Variants in TRIM47 observed in about 807,000 individuals in gnomAD.
TRIM47 encodes E3 ubiquitin-protein ligase TRIM47.
Under a neutral mutation model 54.4 loss-of-function variants are expected in TRIM47, and 46 were observed. The ratio of observed to expected loss-of-function variants is 0.84; its 90% CI spans 0.67 to 1.08. TRIM47 has a LOEUF of 1.08. TRIM47 is among the 50% of genes least tolerant of loss of function. TRIM47 has a pLI of 0.00. For missense variants in TRIM47, 825 were observed against 910.1 expected (o/e 0.91, Z 1.20); for synonymous variants, 392 against 410.2 (o/e 0.96, Z 0.54).
rs2065148433 is a variant in TRIM47, at chr17:75,878,293, C to T, written c.256G>A (p.Gly86Arg). 4 of 1,270,756 alleles carry T rather than the reference C, an allele frequency of 3.1e-6. No homozygotes were observed. The highest frequency in any genetic ancestry group is 2.6e-5 in the South Asian group (1 of 38,990). 78.7% of individuals were successfully genotyped at this position (1,270,756 alleles called of 1,614,324 possible). ...LLQLRQGSGPGSGPGPAPALA... is the reference protein window; with the variant it reads ...LLQLRQGSGPRSGPGPAPALA... ...GCAGGGGCCGGGCCGGGGCCGGACC[C>T]GGGGCCCGAGCCCTGGCGGAGCTGC... Residue 86 changes from glycine to arginine, a missense_variant, in exon 1 of 6, where the codon GGG (glycine) becomes AGG (arginine). Transcript: ENST00000254816.
chr17:75,876,087 G>A lies in TRIM47; in HGVS notation c.1015C>T (p.Leu339=). The change falls in exon 4 of 6, where the codon CTA becomes TTA. Residue 339 remains leucine (L), a synonymous_variant. Transcript: ENST00000254816. ...SVSFLQELLA[L]RLALEDGCGP... ...CACCCATCCTCCAGGGCCAGCCTTA[G>A]TGCCAGCAGCTCCTGTGCCAGACAA... 6.2e-7 allele frequency: 1 copy of A among 1,600,924 alleles called. No homozygotes were observed. Among genetic ancestry groups the A allele is most frequent in the South Asian group, 1.1e-5 (1 of 91,084 alleles).
rs748149487 is a variant in TRIM47, at chr17:75,874,298, A to G, written c.*185T>C. ...CTCCCAGAAGTGAGGTCTGCAGGGG[A>G]ACAGGGTCTGGGGGTCCTCCTGCCT... On this transcript the variant is annotated 3_prime_UTR_variant, in exon 6 of 6. Transcript: ENST00000254816. The surrounding 1 kb of genome is among the most constrained non-coding windows in gnomAD (Gnocchi z 6.2). 6.6e-5 allele frequency: 32 copies of G among 484,868 alleles called. No homozygotes were observed. Among genetic ancestry groups the G allele is most frequent in the Non-Finnish European group, 1.1e-4 (31 of 287,602 alleles). 30.0% of individuals were successfully genotyped at this position (484,868 alleles called of 1,614,324 possible).
chr17:75,875,234 C>T lies in TRIM47; in HGVS notation c.1277-111G>A. The T allele has an allele frequency of 7.2e-7, 1 of 1,395,084 alleles. No individual in the cohort carries two copies. Among genetic ancestry groups the T allele is most frequent in the Non-Finnish European group, 9.6e-7 (1 of 1,038,240 alleles). The allele number at this position is 1,395,084 out of a possible 1,614,324, so 86.4% of individuals were successfully genotyped here. A position where few individuals can be genotyped will look rare whatever the true frequency, so the allele number is the denominator to read the frequency against. The stretch of plus-strand genomic sequence containing the variant: ...ACACAGCCTCTCCCCTGCTTTCCAA[C>T]CGGCACAACCCAGCCCCGCCGGGGA... On this transcript the variant is annotated intron_variant, in intron 5 of 5. Coordinates refer to ENST00000254816, the MANE Select transcript of TRIM47 (RefSeq NM_033452.3). The surrounding 1 kb of genome is among the most constrained non-coding windows in gnomAD (Gnocchi z 6.1).
chr17:75,876,737 C>A lies in TRIM47; in HGVS notation c.752G>T (p.Arg251Leu). Residue 251 changes from arginine to leucine, a missense_variant, in exon 2 of 6, where the codon CGC becomes CTC. By Grantham distance (102) the Arg-to-Leu change is moderately radical. Transcript: ENST00000254816. ...TTTGACCTTGATGAGGGCCACTGTG[C>A]GCCTGGACTGTGCAATGCCAGCACC... ...ELGAGIAQSR[R>L]TVALIKSAAV... The A allele has an allele frequency of 6.2e-7, 1 of 1,614,166 alleles. No individual in the cohort carries two copies. Among genetic ancestry groups the A allele is most frequent in the Non-Finnish European group, 8.5e-7 (1 of 1,180,030 alleles).
In TRIM47 at chr17:75,877,060, G is replaced by T. The variant is rs1013305726; in HGVS notation, c.676-247C>A. 1.2e-4 allele frequency: 66 copies of T among 556,916 alleles called. 1 individual carries two copies. The highest frequency in any genetic ancestry group is 2.9e-5 in the Non-Finnish European group (9 of 308,414). 34.5% of individuals were successfully genotyped at this position (556,916 alleles called of 1,614,324 possible). A position where few individuals can be genotyped will look rare whatever the true frequency, so the allele number is the denominator to read the frequency against. On this transcript the variant is annotated intron_variant, in intron 1 of 5. Transcript: ENST00000254816. ...GTCTGCCTCGGGTCTCTGACAGGAG[G>T]CCTAGTACAGGGCCGTCCGCTGGTC...
intron 3 of TRIM47, 45 bp from the exon 4 acceptor site, chr17:75,876,144 C>A (rs1204347992): frequency 6.3e-7 from 1 of 1,587,756 alleles, no homozygotes; most frequent in Non-Finnish European, 8.5e-7. Flanking sequence ...GCCATGGCTC[C>A]TCCTTGCTGG....
intron 2 of TRIM47, 24 bp downstream of exon 2, chr17:75,876,694 C>G (rs1388305810): frequency 1.2e-5 from 20 of 1,613,134 alleles, no homozygotes; most frequent in Non-Finnish European, 1.7e-5. Context: ...TGGATTGTTC[C>G]ATGCTGAGGG....
In TRIM47 at chr17:75,874,391, A is replaced by T. The variant is rs2065118670; in HGVS notation, c.*92T>A. The T allele has an allele frequency of 8.2e-7, 1 of 1,220,390 alleles. No individual in the cohort carries two copies. The highest frequency in any genetic ancestry group is 1.5e-5 in the African/African-American group (1 of 65,898). 75.6% of individuals were successfully genotyped at this position (1,220,390 alleles called of 1,614,324 possible). A position where few individuals can be genotyped will look rare whatever the true frequency, so the allele number is the denominator to read the frequency against. Reference sequence around the variant, plus strand: ...GAAATGAGAAGGCTGGGTGTGTGGGACTCATGCTGGTGCCTTCCCAGACGA... The same window carrying T: ...GAAATGAGAAGGCTGGGTGTGTGGGTCTCATGCTGGTGCCTTCCCAGACGA... On this transcript the variant is annotated 3_prime_UTR_variant, in exon 6 of 6. Coordinates refer to ENST00000254816, the MANE Select transcript of TRIM47 (RefSeq NM_033452.3). This position sits in a 1 kb window ranked among gnomAD's most constrained non-coding sequence, Gnocchi z 6.2.
At position 75,874,783 on chromosome 17, in the gene TRIM47, G is replaced by A. The variant is rs1449242139; in HGVS notation, c.1617C>T (p.Pro539=). The A allele has an allele frequency of 1.2e-6, 2 of 1,614,000 alleles. No individual in the cohort carries two copies. The highest frequency in any genetic ancestry group is 1.7e-5 in the Admixed American group (1 of 60,018). ...FSVWFHGLEA[P]LPHPFSPTVG... is the part of the protein sequence containing the mutation. Reference sequence around the variant, plus strand: ...CCGTGGGCGAGAAGGGGTGGGGCAGGGGAGCCTCCAGCCCATGAAACCAGA... The same window carrying A: ...CCGTGGGCGAGAAGGGGTGGGGCAGAGGAGCCTCCAGCCCATGAAACCAGA... Residue 539 remains proline, a synonymous_variant, in exon 6 of 6, where the codon CCC becomes CCT. Coordinates refer to ENST00000254816, the MANE Select transcript of TRIM47 (RefSeq NM_033452.3). This position sits in a 1 kb window ranked among gnomAD's most constrained non-coding sequence, Gnocchi z 6.2.
rs757544163 is a variant in TRIM47 at position 75,877,978 on chromosome 17, G to T, written c.571C>A (p.Arg191Ser). ...CACACGCGCTCCGCGCGGCAGTAGCGCTCGAGCGGCCGTAGGTGGCGCGGG... is the reference window on the plus strand; with the variant it reads ...CACACGCGCTCCGCGCGGCAGTAGCTCTCGAGCGGCCGTAGGTGGCGCGGG... Reference protein sequence around the residue: ...LCPRHLRPLERYCRAERVCLC... With the variant: ...LCPRHLRPLESYCRAERVCLC... Residue 191 changes from arginine (R) to serine (S), a missense_variant, in exon 1 of 6, where the codon CGC (arginine) becomes AGC (serine). Physicochemically the swap from Arg to Ser is moderately radical, Grantham distance 110 (BLOSUM62 -1). Coordinates refer to ENST00000254816, the MANE Select transcript of TRIM47 (RefSeq NM_033452.3). 1.3e-5 allele frequency: 19 copies of T among 1,464,056 alleles called. No individual in the cohort carries two copies. The South Asian group carries it at 2.2e-4, about 17-fold the overall frequency. The allele number at this position is 1,464,056 out of a possible 1,614,324, so 90.7% of individuals were successfully genotyped here.
chr17:75,874,765 C>T lies in TRIM47; in HGVS notation c.1635G>A (p.Ser545=), dbSNP rs375603627. 24 of 1,613,832 alleles carry T rather than the reference C, an allele frequency of 1.5e-5. No homozygotes were observed. The highest frequency in any genetic ancestry group is 1.3e-4 in the East Asian group (6 of 44,876). ...GLEAPLPHPF[S]PTVGVCLEYA... is the part of the protein sequence containing the mutation. Reference sequence around the variant, plus strand: ...ATTCCAGGCAGACCCCAACCGTGGGCGAGAAGGGGTGGGGCAGGGGAGCCT... The same window carrying T: ...ATTCCAGGCAGACCCCAACCGTGGGTGAGAAGGGGTGGGGCAGGGGAGCCT... The change falls in exon 6 of 6, where the codon TCG becomes TCA. Residue 545 remains serine, a synonymous_variant. Transcript: ENST00000254816. This position sits in a 1 kb window ranked among gnomAD's most constrained non-coding sequence, Gnocchi z 6.2.
In TRIM47 at chr17:75,874,928, C is replaced by G; in HGVS notation, c.1472G>C (p.Gly491Ala). 1.2e-6 allele frequency: 2 copies of G among 1,614,112 alleles called. No individual in the cohort carries two copies. The highest frequency in any genetic ancestry group is 1.7e-6 in the Non-Finnish European group (2 of 1,180,010). Reference protein sequence around the residue: ...TYYWEVEIIEGWVSMGVMAED... With the variant: ...TYYWEVEIIEAWVSMGVMAED... ...GGCCATGACCCCCATGCTGACCCAG[C>G]CCTCGATAATCTCCACCTCCCAGTA... is the stretch of plus-strand genomic sequence containing the variant. Residue 491 changes from glycine (G) to alanine (A), a missense_variant, in exon 6 of 6, where the codon GGC becomes GCC. By Grantham distance (60) the Gly-to-Ala change is moderately conservative. Transcript: ENST00000254816. The surrounding 1 kb of genome is among the most constrained non-coding windows in gnomAD (Gnocchi z 6.2).
Position 75,874,731 on chromosome 17 carries a change from G to C in TRIM47, c.1669C>G (p.Arg557Gly). Residue 557 changes from arginine (R) to glycine (G), a missense_variant, in exon 6 of 6, where the codon CGT becomes GGT. Arg to Gly is a moderately radical substitution (Grantham distance 125). Coordinates refer to ENST00000254816, the MANE Select transcript of TRIM47 (RefSeq NM_033452.3). The surrounding 1 kb of genome is among the most constrained non-coding windows in gnomAD (Gnocchi z 6.2). ...CGTACAGCATAGAAGGCCAAGGCAC[G>C]GTCAGCGTATTCCAGGCAGACCCCA... ...TVGVCLEYADRALAFYAVRDG... is the reference protein window; with the variant it reads ...TVGVCLEYADGALAFYAVRDG... 6.2e-7 allele frequency: 1 copy of C among 1,614,028 alleles called. No homozygotes were observed. The highest frequency in any genetic ancestry group is 8.5e-7 in the Non-Finnish European group (1 of 1,180,024).
rs750057795 is a variant in TRIM47, at chr17:75,875,876, C to T, written c.1201+25G>A. Reference sequence around the variant, plus strand: ...GAGAGGCTGGCAGAGGGTGAGTCATCGGGGGGGCGTGGGGCGGTGCCCACC... The same window carrying T: ...GAGAGGCTGGCAGAGGGTGAGTCATTGGGGGGGCGTGGGGCGGTGCCCACC... On this transcript the variant is annotated intron_variant, in intron 4 of 5. Coordinates refer to ENST00000254816, the MANE Select transcript of TRIM47 (RefSeq NM_033452.3). The surrounding 1 kb of genome is among the most constrained non-coding windows in gnomAD (Gnocchi z 6.1). 13 of 1,603,408 alleles carry T rather than the reference C, an allele frequency of 8.1e-6. No homozygotes were observed. In the Admixed American group the frequency reaches 1.5e-4, roughly 19 times the overall value.
rs1246848829 is a variant in TRIM47 at position 75,878,412 on chromosome 17, C to G, written c.137G>C (p.Gly46Ala). 7.0e-7 allele frequency: 1 copy of G among 1,429,054 alleles called. No individual in the cohort carries two copies. Among genetic ancestry groups the G allele is most frequent in the Non-Finnish European group, 9.2e-7 (1 of 1,083,414 alleles). 88.5% of individuals were successfully genotyped at this position (1,429,054 alleles called of 1,614,324 possible). A position where few individuals can be genotyped will look rare whatever the true frequency, so the allele number is the denominator to read the frequency against. The change falls in exon 1 of 6, where the codon GGC (glycine) becomes GCC (alanine). Residue 46 changes from glycine (G) to alanine (A), a missense_variant. Physicochemically the swap from Gly to Ala is moderately conservative, Grantham distance 60. Transcript: ENST00000254816. Reference protein sequence around the residue: ...LWPHRGASGAGGPGGAARCPL... With the variant: ...LWPHRGASGAAGPGGAARCPL... ...GCAGCGGGCCGCGCCTCCGGGTCCG[C>G]CGGCTCCACTCGCGCCACGATGCGG...
At position 75,874,702 on chromosome 17, in the gene TRIM47, G is replaced by A. The variant is rs369030407; in HGVS notation, c.1698C>T (p.Asp566=). 24 of 1,613,640 alleles carry A rather than the reference G, an allele frequency of 1.5e-5. No individual in the cohort carries two copies. Among genetic ancestry groups the A allele is most frequent in the East Asian group, 6.7e-5 (3 of 44,864 alleles). Residue 566 remains aspartate, a synonymous_variant, in exon 6 of 6, where the codon GAC becomes GAT. Coordinates refer to ENST00000254816, the MANE Select transcript of TRIM47 (RefSeq NM_033452.3). The surrounding 1 kb of genome is among the most constrained non-coding windows in gnomAD (Gnocchi z 6.2). The part of the protein sequence containing the change: ...DRALAFYAVR[D]GKMSLLRRLK... Reference sequence around the variant, plus strand: ...GCCTCCGCAGGAGGCTCATCTTGCCGTCCCGTACAGCATAGAAGGCCAAGG... The same window carrying A: ...GCCTCCGCAGGAGGCTCATCTTGCCATCCCGTACAGCATAGAAGGCCAAGG...
chr17:75,878,080 C>T lies in TRIM47; in HGVS notation c.469G>A (p.Gly157Ser). Reference protein sequence around the residue: ...CLASFCPAHLGPHERSPALRG... With the variant: ...CLASFCPAHLSPHERSPALRG... ...AGGGCGGGGCTGCGCTCGTGCGGGC[C>T]CAGGTGCGCGGGGCAAAAGGAGGCG... The change falls in exon 1 of 6, where the codon GGC (glycine) becomes AGC (serine). Residue 157 changes from glycine to serine, a missense_variant. Transcript: ENST00000254816. 1 of 1,342,182 alleles carries T rather than the reference C, an allele frequency of 7.5e-7. No homozygotes were observed. Among genetic ancestry groups the T allele is most frequent in the Non-Finnish European group, 9.5e-7 (1 of 1,051,244 alleles). The allele number at this position is 1,342,182 out of a possible 1,614,324, so 83.1% of individuals were successfully genotyped here.
At position 75,874,594 on chromosome 17, in the gene TRIM47, C is replaced by G; in HGVS notation, c.1806G>C (p.Ala602=). 6.5e-7 allele frequency: 1 copy of G among 1,549,204 alleles called. No individual in the cohort carries two copies. The highest frequency in any genetic ancestry group is 1.2e-5 in the South Asian group (1 of 81,584). ...GCTTGAGTCTGTGGGTGAAGAGCCCCGCAAAGTGACTGTCCAGGCGGCTCT... is the reference window on the plus strand; with the variant it reads ...GCTTGAGTCTGTGGGTGAAGAGCCCGGCAAAGTGACTGTCCAGGCGGCTCT... ...PFQSRLDSHF[A]GLFTHRLKPA... is the part of the protein sequence containing the mutation. Residue 602 remains alanine, a synonymous_variant, in exon 6 of 6, where the codon GCG becomes GCC. Transcript: ENST00000254816. This position sits in a 1 kb window ranked among gnomAD's most constrained non-coding sequence, Gnocchi z 6.2.
chr17:75,874,908 T>C lies in TRIM47; in HGVS notation c.1492A>G (p.Met498Val). The change falls in exon 6 of 6, where the codon ATG (methionine) becomes GTG (valine). Residue 498 changes from methionine to valine, a missense_variant. Transcript: ENST00000254816. This position sits in a 1 kb window ranked among gnomAD's most constrained non-coding sequence, Gnocchi z 6.2. ...IIEGWVSMGV[M>V]AEDFSPQEPY... ...TCTTGTGGGGAGAAGTCTTCGGCCATGACCCCCATGCTGACCCAGCCCTCG... is the reference window on the plus strand; with the variant it reads ...TCTTGTGGGGAGAAGTCTTCGGCCACGACCCCCATGCTGACCCAGCCCTCG... 9 of 1,614,038 alleles carry C rather than the reference T, an allele frequency of 5.6e-6. No individual in the cohort carries two copies. Among genetic ancestry groups the C allele is most frequent in the Admixed American group, 1.7e-5 (1 of 60,026 alleles).
Sources: allele counts gnomAD v4.1 joint callset, GRCh38; gene constraint gnomAD v4.1.1; non-coding constraint Gnocchi (gnomAD v3.1); transcripts MANE v1.5; gene names NCBI Gene and HGNC (gene_info 2026-07-23, HGNC 2026-07-21).